Variants in TAOK3 observed in about 807,000 individuals in gnomAD.
TAOK3 encodes TAO kinase 3, also known as serine/threonine-protein kinase TAO3.
TAOK3 carries 40 observed loss-of-function variants against 120.4 expected under a neutral mutation model. That is an observed-to-expected ratio of 0.33 (90% CI 0.26 to 0.43). The LOEUF (loss-of-function observed/expected upper bound fraction) is 0.43. Ranked by LOEUF, TAOK3 falls within the 20% of genes least tolerant of loss-of-function variation. The pLI, the probability that TAOK3 is intolerant of heterozygous loss-of-function variation, is 1.00. For synonymous variants in TAOK3, 355 were observed against 387.5 expected (o/e 0.92, Z 0.99); for missense variants, 821 against 1,112.1 (o/e 0.74, Z 3.72).
chr12:118,226,912 G>A (rs1262517514), intron 9 of TAOK3, among the ~76,000 whole-genome samples: 1 of 152,132 alleles, frequency 6.6e-6, no homozygotes, highest in Non-Finnish European at 1.5e-5. Context: ...AATGTCAACT[G>A]CTGTTGACAT....
chr12:118,187,233 GAATA>G (rs1426792401), intron 14 of TAOK3, among the ~76,000 whole-genome samples: 3 of 152,006 alleles, frequency 2.0e-5, no homozygotes, highest in Admixed American at 2.0e-4. Flanking sequence ...CAAAATAAAT[GAATA>G]AATAAATATA....
chr12:118,201,175 T>G, intron 12 of TAOK3, 121 bp downstream of exon 12: 1 of 946,022 alleles, frequency 1.1e-6, no homozygotes, highest in Non-Finnish European at 1.6e-6. Context: ...ACCCTTCATG[T>G]TTCTTAAGGC....
In TAOK3 at chr12:118,371,811, C is replaced by G. The variant is rs1208690705; in HGVS notation, c.-194+837G>C. Among the ~76,000 whole-genome samples the G allele has an allele frequency of 1.3e-5, 2 of 152,086 alleles. No individual in the cohort carries two copies. The highest frequency in any genetic ancestry group is 4.8e-5 in the African/African-American group (2 of 41,436). ...TGGGGCACCGCTCCTCCCTCGGGGT[C>G]CGCGCCTGCACCCGACGCTCAAAGC... On this transcript the variant is annotated intron_variant, in intron 1 of 20. Transcript: ENST00000392533. The surrounding 1 kb of genome is among the most constrained non-coding windows in gnomAD (Gnocchi z 5.5).
chr12:118,213,496 G>T (rs182906340), intron 10 of TAOK3, among the ~76,000 whole-genome samples: 1 of 151,946 alleles, frequency 6.6e-6, no homozygotes, highest in East Asian at 1.9e-4. Flanking sequence ...CTTTAATATT[G>T]CCCCTTTTAA....
chr12:118,224,661 A>G (rs1265196046), intron 9 of TAOK3, among the ~76,000 whole-genome samples: 6 of 152,362 alleles, frequency 3.9e-5, no homozygotes, highest in Non-Finnish European at 5.9e-5. Context: ...TCCTTTCAAC[A>G]GGAGATCAAT....
intron 1 of TAOK3, among the ~76,000 whole-genome samples, chr12:118,267,637 G>A (rs375652600): frequency 2.3e-4 from 34 of 150,644 alleles, no homozygotes; most frequent in African/African-American, 7.0e-4. Flanking sequence ...CTGTAATCCC[G>A]GCACTTTGGG....
At chr12:118,158,635 A>G (rs2035002038) in intron 19 of TAOK3, among the ~76,000 whole-genome samples, 1 of 152,068 alleles carries the variant, frequency 6.6e-6, no homozygotes, top group Non-Finnish European at 1.5e-5. Context: ...TTCTCTCATC[A>G]CCTTTTTCCT....
At chr12:118,211,795 C>G (rs2038650135) in intron 11 of TAOK3, among the ~76,000 whole-genome samples, 2 of 151,746 alleles carry the variant, frequency 1.3e-5, no homozygotes, top group Non-Finnish European at 2.9e-5. Flanking sequence ...ATTTTTTCCC[C>G]TTTTATGGTA....
chr12:118,370,124 C>T (rs777179835), intron 1 of TAOK3, among the ~76,000 whole-genome samples: 77 of 150,010 alleles, frequency 5.1e-4, no homozygotes, highest in Non-Finnish European at 7.9e-4. Flanking sequence ...CCGCCTGCCT[C>T]GGCCTCCCAA....
At chr12:118,278,460 A>G (rs1286843181) in intron 1 of TAOK3, among the ~76,000 whole-genome samples, 1 of 152,192 alleles carries the variant, frequency 6.6e-6, no homozygotes, top group African/African-American at 2.4e-5. Flanking sequence ...ATGTTGCTGT[A>G]AAGGACATGA....
At chr12:118,330,584 G>A (rs1275551851) in intron 1 of TAOK3, among the ~76,000 whole-genome samples, 1 of 151,974 alleles carries the variant, frequency 6.6e-6, no homozygotes, top group Admixed American at 6.6e-5. Flanking sequence ...TCACAAAGAG[G>A]AAGTATACTG....
At chr12:118,361,615 A>G (rs554289194) in intron 1 of TAOK3, among the ~76,000 whole-genome samples, 2 of 151,848 alleles carry the variant, frequency 1.3e-5, no homozygotes, top group East Asian at 3.9e-4. Flanking sequence ...GCACCACCAC[A>G]TCCAGCTAAT....
chr12:118,254,881 C>T (rs1429849211), intron 3 of TAOK3, among the ~76,000 whole-genome samples: 1 of 152,126 alleles, frequency 6.6e-6, no homozygotes, highest in African/African-American at 2.4e-5. Flanking sequence ...CCTCAGCCTC[C>T]CGAGCAGCTG....
At chr12:118,341,212 A>C (rs1447391381) in intron 1 of TAOK3, among the ~76,000 whole-genome samples, 1 of 151,870 alleles carries the variant, frequency 6.6e-6, no homozygotes, top group Non-Finnish European at 1.5e-5. Context: ...TGTTGGCTAG[A>C]CTGGTTTCAA....
At chr12:118,189,381 C>A (rs1264987880) in intron 14 of TAOK3, among the ~76,000 whole-genome samples, 2 of 151,892 alleles carry the variant, frequency 1.3e-5, no homozygotes, top group African/African-American at 4.8e-5. Context: ...AGCACAGTGC[C>A]GTGCATACAT....
intron 4 of TAOK3, among the ~76,000 whole-genome samples, chr12:118,243,974 C>T (rs1281250615): frequency 6.6e-6 from 1 of 152,184 alleles, no homozygotes; most frequent in African/African-American, 2.4e-5. Flanking sequence ...ACACTGTGCC[C>T]GGCCTAAACA....
chr12:118,181,684 T>C (rs2036732693), intron 14 of TAOK3, 77 bp from the exon 15 acceptor site: 1 of 1,264,040 alleles, frequency 7.9e-7, no homozygotes, highest in Non-Finnish European at 1.1e-6. Context: ...AGAACGGCCC[T>C]GTGGCATAAT....
intron 1 of TAOK3, among the ~76,000 whole-genome samples, chr12:118,278,813 T>A (rs1042411550): frequency 6.6e-6 from 1 of 152,154 alleles, no homozygotes; most frequent in African/African-American, 2.4e-5. Flanking sequence ...TTATTTTTTA[T>A]TTTTATTTTT....
chr12:118,197,682 C>CTTTTTTTTTTT (rs67635506), intron 13 of TAOK3, among the ~76,000 whole-genome samples: 1 of 90,780 alleles, frequency 1.1e-5, no homozygotes, highest in Non-Finnish European at 2.0e-5. Context: ...GCAAAACCTT[C>CTTTTTTTTTTT]TTTTTTTTTT....
Sources: gnomAD v4.1 joint callset for allele counts (sites outside exome capture counted in the v4.1 genomes callset) on GRCh38, gnomAD v4.1.1 for gene constraint, Gnocchi (gnomAD v3.1) non-coding constraint, MANE v1.5 for transcripts, NCBI Gene and HGNC (gene_info 2026-07-23, HGNC 2026-07-21) for gene names.